Variants in NEDD1 observed in about 807,000 individuals in gnomAD.
The protein encoded by NEDD1 is protein NEDD1.
NEDD1 carries 33 observed loss-of-function variants against 74.0 expected under a neutral mutation model. The observed-to-expected ratio is 0.45, with a 90% CI of 0.34 to 0.60. The LOEUF (loss-of-function observed/expected upper bound fraction) is 0.60, where lower values mean the gene tolerates loss of function less well. NEDD1 is among the 20% of genes least tolerant of loss of function. The probability of loss-of-function intolerance (pLI) is 0.01; values close to 1 mark genes in which losing one functional copy is unlikely to be tolerated. For missense variants in NEDD1, 746 were observed against 776.5 expected (o/e 0.96, Z 0.47); for synonymous variants, 250 against 264.4 (o/e 0.95, Z 0.53).
intron 1 of NEDD1, 25 bp from the exon 2 acceptor site, chr12:96,907,579 A>G (rs540007723): frequency 3.9e-6 from 6 of 1,549,312 alleles, no homozygotes; most frequent in Middle Eastern, 1.7e-4. Context: ...TTTTTTGTCA[A>G]CCTCAAGTAC....
intron 5 of NEDD1, 96 bp downstream of exon 5, chr12:96,917,833 A>G: frequency 7.4e-7 from 1 of 1,346,092 alleles, no homozygotes; most frequent in Non-Finnish European, 9.9e-7. Context: ...TATGATAAAA[A>G]TAAGAGGCTT....
intron 6 of NEDD1, among the ~76,000 whole-genome samples, chr12:96,928,048 A>G (rs1459547766): frequency 6.6e-6 from 1 of 152,168 alleles, no homozygotes; most frequent in African/African-American, 2.4e-5. Context: ...ATAAATGGAT[A>G]ATCTGTATAT....
intron 6 of NEDD1, among the ~76,000 whole-genome samples, chr12:96,932,463 A>AAAAAATATATATAT: frequency 2.1e-4 from 2 of 9,436 alleles, no homozygotes; most frequent in African/African-American, 6.7e-4. Flanking sequence ...AAAAAAAAAA[A>AAAAAATATATATAT]ATATATATAT....
chr12:96,918,769 A>G (rs1355917568), intron 5 of NEDD1, among the ~76,000 whole-genome samples: 1 of 152,212 alleles, frequency 6.6e-6, no homozygotes, highest in East Asian at 1.9e-4. Flanking sequence ...GAAATTAGGA[A>G]GACACTTGCC....
Position 96,945,763 on chromosome 12 carries a change from T to C in NEDD1, c.1725T>C (p.Ile575=), listed in dbSNP as rs1297750083. The change falls in exon 14 of 16, where the codon ATT becomes ATC. Residue 575 remains isoleucine (I), a synonymous_variant. Transcript: ENST00000266742. ...SSLSEKIADS[I]GNNRQNAPLT... is the part of the protein sequence containing the mutation. ...TCTCAGAAAAAATAGCCGACAGCAT[T>C]GGAAATAACCGGCAAAATGCACCAT... The C allele has an allele frequency of 6.2e-7, 1 of 1,609,552 alleles. No homozygotes were observed. Among genetic ancestry groups the C allele is most frequent in the South Asian group, 1.1e-5 (1 of 90,978 alleles).
rs749835487 is a variant in NEDD1 at position 96,952,071 on chromosome 12, T to G, written c.*18T>G. The G allele has an allele frequency of 1.0e-5, 13 of 1,292,356 alleles. No individual in the cohort carries two copies. Among genetic ancestry groups the G allele is most frequent in the Non-Finnish European group, 1.2e-5 (11 of 891,606 alleles). 80.1% of individuals were successfully genotyped at this position (1,292,356 alleles called of 1,614,324 possible). The stretch of plus-strand genomic sequence containing the variant: ...ACTTTTGAAATTTCAGTGAATACCT[T>G]AATGTTCTGTAATTTGGGAAGTTTC... On this transcript the variant is annotated 3_prime_UTR_variant, in exon 16 of 16. Transcript: ENST00000266742.
intron 14 of NEDD1, among the ~76,000 whole-genome samples, chr12:96,948,654 C>T (rs1424358373): frequency 6.6e-6 from 1 of 152,132 alleles, no homozygotes; most frequent in Non-Finnish European, 1.5e-5. Context: ...TTTCTGTTGT[C>T]TATTAAGAAG....
chr12:96,939,967 C>T (rs1877498805), intron 9 of NEDD1, among the ~76,000 whole-genome samples: 1 of 152,050 alleles, frequency 6.6e-6, no homozygotes, highest in African/African-American at 2.4e-5. Context: ...TTGAATCCTG[C>T]TGTATGTTAG....
At chr12:96,934,064 G>A (rs1489332025) in intron 6 of NEDD1, among the ~76,000 whole-genome samples, 1 of 152,188 alleles carries the variant, frequency 6.6e-6, no homozygotes, top group Admixed American at 6.6e-5. Context: ...CCCCAGTCTA[G>A]AGTGTTGCCA....
chr12:96,946,308 T>C lies in NEDD1; in HGVS notation c.1811+459T>C, dbSNP rs150764904. Among the ~76,000 whole-genome samples, 241 of 152,344 alleles carry C rather than the reference T, an allele frequency of 1.6e-3. 1 individual carries two copies. The highest frequency in any genetic ancestry group is 5.5e-3 in the African/African-American group (227 of 41,594). On this transcript the variant is annotated intron_variant, in intron 14 of 15. Transcript: ENST00000266742. ...TAAAAAAAATTCTTTCTCAGACTTA[T>C]CCTTGTCTGTCTCATCCTTCGAATT... is the stretch of plus-strand genomic sequence containing the variant.
intron 4 of NEDD1, among the ~76,000 whole-genome samples, chr12:96,914,728 A>G (rs1412041859): frequency 6.6e-6 from 1 of 152,046 alleles, no homozygotes; most frequent in African/African-American, 2.4e-5. Flanking sequence ...ATTTTCTTTG[A>G]TTTTGTATTT....
chr12:96,913,125 ATAGGT>A (rs1035611142), intron 4 of NEDD1, among the ~76,000 whole-genome samples: 7 of 152,126 alleles, frequency 4.6e-5, no homozygotes, highest in Non-Finnish European at 1.0e-4. Context: ...GATATCCCAC[ATAGGT>A]TACTAGGTTG....
chr12:96,909,995 G>T (rs1274015557), intron 3 of NEDD1, 100 bp downstream of exon 3: 1 of 1,304,116 alleles, frequency 7.7e-7, no homozygotes. Flanking sequence ...CTCATACTGA[G>T]TAATGTGTTT....
chr12:96,918,443 C>T (rs965895124), intron 5 of NEDD1, among the ~76,000 whole-genome samples: 6 of 151,982 alleles, frequency 3.9e-5, no homozygotes, highest in Non-Finnish European at 5.9e-5. Flanking sequence ...CACACATACA[C>T]AGAGGAAGAA....
intron 9 of NEDD1, among the ~76,000 whole-genome samples, chr12:96,938,871 T>C (rs972865885): frequency 5.3e-5 from 8 of 152,006 alleles, no homozygotes; most frequent in Admixed American, 3.3e-4. Context: ...CTCTGAAACA[T>C]TGAGAATAGT....
intron 4 of NEDD1, among the ~76,000 whole-genome samples, chr12:96,915,207 A>G (rs1036313815): frequency 1.3e-5 from 2 of 152,236 alleles, no homozygotes; most frequent in Admixed American, 6.5e-5. Flanking sequence ...TTAGAGCTAG[A>G]AGGAACCCTG....
intron 9 of NEDD1, 75 bp from the exon 10 acceptor site, chr12:96,940,330 CATTA>C: frequency 1.3e-6 from 1 of 763,796 alleles, no homozygotes. Flanking sequence ...ATGAGTGATA[CATTA>C]ATTTTTACAA....
At chr12:96,937,437 T>G (rs1173795192) in intron 9 of NEDD1, 44 bp downstream of exon 9, 5 of 1,112,192 alleles carry the variant, frequency 4.5e-6, no homozygotes, top group Non-Finnish European at 6.1e-6. Flanking sequence ...TTTGTTTTTT[T>G]TTTGTTTTTT....
In NEDD1 at chr12:96,935,093, A is replaced by G. The variant is rs200832974; in HGVS notation, c.607A>G (p.Ser203Gly). 99 of 1,610,564 alleles carry G rather than the reference A, an allele frequency of 6.1e-5. No homozygotes were observed. Among genetic ancestry groups the G allele is most frequent in the Non-Finnish European group, 8.1e-5 (95 of 1,176,672 alleles). ...TCAGAGTCCATACCATAACTTTGAC[A>G]GTGTACACAAAGCTCCAGCGTCAGG... is the stretch of plus-strand genomic sequence containing the variant. ...NSQSPYHNFDSVHKAPASGIC... is the reference protein window; with the variant it reads ...NSQSPYHNFDGVHKAPASGIC... The change falls in exon 7 of 16, where the codon AGT becomes GGT. Residue 203 changes from serine to glycine, a missense_variant. Around this residue, in one of 3 missense-constraint regions of NEDD1, gnomAD observed 706 missense variants for 706.7 expected, o/e 1.00. Transcript: ENST00000266742.
Sources: gnomAD v4.1 joint callset for allele counts (sites outside exome capture counted in the v4.1 genomes callset) on GRCh38, gnomAD v4.1.1 for gene constraint, gnomAD v4.1.1 regional missense constraint, MANE v1.5 for transcripts, NCBI Gene and HGNC (gene_info 2026-07-23, HGNC 2026-07-21) for gene names.